TTC39B: variants seen among roughly 807,000 people sequenced by gnomAD.
TTC39B encodes the protein tetratricopeptide repeat domain 39B.
Under a neutral mutation model 96.6 loss-of-function variants are expected in TTC39B, and 92 were observed. The observed-to-expected ratio is 0.95, with a 90% CI of 0.80 to 1.13. The LOEUF (loss-of-function observed/expected upper bound fraction) is 1.13, where lower values mean the gene tolerates loss of function less well. TTC39B is among the 50% of genes most tolerant of loss of function. The pLI, the probability that TTC39B is intolerant of heterozygous loss-of-function variation, is 0.00. For synonymous variants in TTC39B, 367 were observed against 299.4 expected (o/e 1.23, Z -2.33); for missense variants, 955 against 809.3 (o/e 1.18, Z -2.18).
At chr9:15,192,990 T>C (rs539227508) in intron 8 of TTC39B, among the ~76,000 whole-genome samples, 1 of 152,252 alleles carries the variant, frequency 6.6e-6, no homozygotes, top group East Asian at 1.9e-4. Context: ...CAGGCTGCCA[T>C]CCCACAGCTT....
At chr9:15,292,395 A>G (rs1824219612) in intron 1 of TTC39B, among the ~76,000 whole-genome samples, 1 of 152,230 alleles carries the variant, frequency 6.6e-6, no homozygotes, top group Non-Finnish European at 1.5e-5. Context: ...CTACTGCACC[A>G]ACAGTTATAT....
chr9:15,281,051 GTC>G lies in TTC39B; in HGVS notation c.241-13105_241-13104del, dbSNP rs1277015915. On this transcript the variant is annotated intron_variant, in intron 1 of 19. Transcript: ENST00000512701. ...GTCTTTTTTTTTGTTTAAATCATCA[GTC>G]CCTATTCTGGAAGAGGTACATCCCA... 7.3e-5 allele frequency among the ~76,000 whole-genome samples: 11 copies of G among 151,536 alleles called. No homozygotes were observed. In the Middle Eastern group the frequency reaches 0.01, roughly 141 times the overall value.
intron 19 of TTC39B, among the ~76,000 whole-genome samples, chr9:15,173,092 T>G (rs542046721): frequency 5.3e-4 from 80 of 152,320 alleles, no homozygotes; most frequent in African/African-American, 1.7e-3. Flanking sequence ...TCATTGCTTT[T>G]TAGCAGTGAG....
In TTC39B at chr9:15,242,185, TAAAC is replaced by T. The variant is rs1586945075; in HGVS notation, c.276-16177_276-16174del. 2.6e-5 allele frequency among the ~76,000 whole-genome samples: 4 copies of T among 152,272 alleles called. No homozygotes were observed. In the East Asian group the frequency reaches 7.7e-4, roughly 29 times the overall value. ...CCACTGTGCTGGTTGATTAAATAAA[TAAAC>T]AAAGGAGCAAATGAAGGATAACATC... On this transcript the variant is annotated intron_variant, in intron 2 of 19. Coordinates refer to ENST00000512701, the Ensembl canonical transcript of TTC39B.
intron 11 of TTC39B, 104 bp downstream of exon 11, chr9:15,190,450 A>G: frequency 1.0e-6 from 1 of 970,656 alleles, no homozygotes; most frequent in Non-Finnish European, 1.6e-6. Context: ...GGTTCAACTG[A>G]TCCTCCCACC....
intron 2 of TTC39B, 102 bp from the exon 3 acceptor site, chr9:15,226,114 T>A (rs1267513707): frequency 1.2e-5 from 11 of 894,414 alleles, no homozygotes; most frequent in South Asian, 1.1e-4. Context: ...ATTATTTTTA[T>A]ACATCTTACC....
intron 2 of TTC39B, among the ~76,000 whole-genome samples, chr9:15,235,639 A>G (rs901576080): frequency 4.6e-5 from 7 of 152,218 alleles, no homozygotes; most frequent in African/African-American, 1.4e-4. Context: ...TACAAACCAG[A>G]AGAGATTGGG....
At chr9:15,218,632 T>TAAAAAAAAAAAAAAATATATATATA (rs545882970) in intron 3 of TTC39B, among the ~76,000 whole-genome samples, 3 of 105,152 alleles carry the variant, frequency 2.9e-5, no homozygotes, top group African/African-American at 1.1e-4. Context: ...TTAGTCTATT[T>TAAAAAAAAAAAAAAATATATATATA]TAAATATATA....
chr9:15,172,132 T>A, intron 19 of TTC39B, 23 bp from the exon 20 acceptor site: 1 of 1,584,180 alleles, frequency 6.3e-7, no homozygotes, highest in South Asian at 1.1e-5. Flanking sequence ...ACAATAAAAT[T>A]GTACAGTCAA....
At chr9:15,182,502 C>T (rs1588851346) in intron 16 of TTC39B, 87 bp from the exon 17 acceptor site, 6 of 923,106 alleles carry the variant, frequency 6.5e-6, no homozygotes, top group Non-Finnish European at 1.6e-6. Flanking sequence ...ATGTGTTTTG[C>T]TTCGGTTTCT....
chr9:15,253,104 T>A (rs1363744072), intron 2 of TTC39B, among the ~76,000 whole-genome samples: 2 of 152,186 alleles, frequency 1.3e-5, no homozygotes, highest in Non-Finnish European at 2.9e-5. Flanking sequence ...CCACATGCTA[T>A]TTGATAGGTG....
chr9:15,251,686 C>CAT (rs1248032081), intron 2 of TTC39B, among the ~76,000 whole-genome samples: 17 of 118,242 alleles, frequency 1.4e-4, no homozygotes, highest in African/African-American at 3.7e-4. Context: ...CACACACACA[C>CAT]ACACATACAT....
intron 16 of TTC39B, chr9:15,183,411 A>G: frequency 2.4e-6 from 1 of 409,568 alleles, no homozygotes; most frequent in Middle Eastern, 3.6e-4. Flanking sequence ...GAAGAGGGCA[A>G]GCTCATATCT....
At chr9:15,211,215 C>G (rs904592575) in intron 5 of TTC39B, 51 bp downstream of exon 5, 2 of 1,386,890 alleles carry the variant, frequency 1.4e-6, no homozygotes, top group Admixed American at 5.7e-5. Flanking sequence ...TTTTGTCACA[C>G]AGGCATAAAA....
chr9:15,231,097 T>A (rs886249829), intron 2 of TTC39B, among the ~76,000 whole-genome samples: 9 of 152,202 alleles, frequency 5.9e-5, no homozygotes, highest in African/African-American at 2.2e-4. Context: ...AATTGCTACA[T>A]TATGTGGTAA....
intron 3 of TTC39B, among the ~76,000 whole-genome samples, chr9:15,218,346 G>A (rs1255233159): frequency 6.6e-6 from 1 of 151,968 alleles, no homozygotes; most frequent in Non-Finnish European, 1.5e-5. Context: ...ACTTCCCTGA[G>A]TCCCTAGGCT....
At chr9:15,265,770 G>A (rs1487928208) in intron 2 of TTC39B, among the ~76,000 whole-genome samples, 1 of 152,158 alleles carries the variant, frequency 6.6e-6, no homozygotes. Flanking sequence ...GCTATGATGT[G>A]ATAAGAATGG....
At chr9:15,186,187 C>T (rs535621441) in intron 15 of TTC39B, among the ~76,000 whole-genome samples, 83 of 152,222 alleles carry the variant, frequency 5.5e-4, no homozygotes, top group African/African-American at 1.7e-3. Context: ...TAATATGCCT[C>T]CAATATGAGT....
At chr9:15,188,023 A>C in exon 14 of TTC39B, 1 of 1,612,946 alleles carries the variant, frequency 6.2e-7, no homozygotes, top group Non-Finnish European at 8.5e-7. Flanking sequence ...ATATGCCTGC[A>C]TCCAGTTTTG....
Sources: allele counts gnomAD v4.1 joint callset (sites outside exome capture counted in the v4.1 genomes callset), GRCh38; gene constraint gnomAD v4.1.1; transcripts MANE v1.5; gene names NCBI Gene and HGNC (gene_info 2026-07-23, HGNC 2026-07-21).